MTFR1: variants seen among roughly 807,000 people sequenced by gnomAD.
MTFR1 encodes mitochondrial fission regulator 1, also known as chondrocyte protein with a poly-proline region.
MTFR1 carries 28 observed loss-of-function variants against 38.8 expected under a neutral mutation model. The ratio of observed to expected loss-of-function variants is 0.72; its 90% CI spans 0.53 to 0.99. The LOEUF (loss-of-function observed/expected upper bound fraction) is 0.99. Ranked by LOEUF, MTFR1 falls within the 50% of genes least tolerant of loss-of-function variation. MTFR1 has a pLI of 0.00. For synonymous variants in MTFR1, 145 were observed against 137.0 expected (o/e 1.06, Z -0.41); for missense variants, 358 against 395.5 (o/e 0.91, Z 0.81).
downstream of MTFR1, among the ~76,000 whole-genome samples, chr8:65,772,922 C>T (rs1464359117): frequency 6.6e-6 from 1 of 152,076 alleles, no homozygotes; most frequent in African/African-American, 2.4e-5. Context: ...GTGGGAGAAT[C>T]ACTTGAACCT....
At chr8:65,724,672 C>T (rs72666537) in intron 3 of MTFR1, 33 of 1,003,606 alleles carry the variant, frequency 3.3e-5, no homozygotes, top group Admixed American at 1.2e-4. Context: ...TTAGCTTGCC[C>T]TCAAGATTTA....
At chr8:65,769,394 C>G (rs1229277759) in intron 3 of MTFR1, among the ~76,000 whole-genome samples, 1 of 151,772 alleles carries the variant, frequency 6.6e-6, no homozygotes, top group Non-Finnish European at 1.5e-5. Flanking sequence ...ATCATTGCAA[C>G]AAAGCTGCCA....
intron 3 of MTFR1, chr8:65,726,989 G>A (rs1440825809): frequency 7.7e-7 from 1 of 1,304,536 alleles, no homozygotes; most frequent in East Asian, 2.3e-5. Flanking sequence ...ACGTTTCTGA[G>A]TTACTTAATG....
At chr8:65,662,018 TCC>T (rs1809430698) in intron 1 of MTFR1, among the ~76,000 whole-genome samples, 2 of 137,182 alleles carry the variant, frequency 1.5e-5, no homozygotes, top group African/African-American at 5.5e-5. Flanking sequence ...CCTCTCTCTC[TCC>T]CTCTCTCTCT....
chr8:65,691,759 C>T (rs945887462), intron 3 of MTFR1, among the ~76,000 whole-genome samples: 7 of 152,188 alleles, frequency 4.6e-5, no homozygotes, highest in African/African-American at 1.4e-4. Context: ...AAGTGATTCT[C>T]ATGCCTCAGC....
chr8:65,742,109 C>T (rs911915446), intron 3 of MTFR1, among the ~76,000 whole-genome samples: 4 of 152,134 alleles, frequency 2.6e-5, no homozygotes, highest in Non-Finnish European at 4.4e-5. Flanking sequence ...AAAAACCAGG[C>T]ACAGAAGAAC....
intron 2 of MTFR1, among the ~76,000 whole-genome samples, chr8:65,677,858 A>T (rs1804759263): frequency 6.6e-6 from 1 of 151,564 alleles, no homozygotes; most frequent in Admixed American, 6.6e-5. Flanking sequence ...TCTACTAAAA[A>T]TACAAAAATA....
chr8:65,724,478 T>A (rs1806526262), intron 3 of MTFR1: 6 of 609,952 alleles, frequency 9.8e-6, no homozygotes, highest in Non-Finnish European at 1.4e-5. Context: ...AATTCTCCTA[T>A]TTTTAGATGT....
intron 4 of MTFR1, among the ~76,000 whole-genome samples, chr8:65,695,822 C>A (rs1805425625): frequency 6.6e-6 from 1 of 152,128 alleles, no homozygotes; most frequent in Admixed American, 6.6e-5. Context: ...TACTCTATAA[C>A]ATTTAGATAG....
intron 3 of MTFR1, chr8:65,745,537 C>T: frequency 1.2e-6 from 1 of 853,032 alleles, no homozygotes; most frequent in South Asian, 1.5e-5. Flanking sequence ...GGAGATATTC[C>T]ATAGAGAAGT....
At chr8:65,772,980 C>A (rs1326975775), downstream of MTFR1, among the ~76,000 whole-genome samples, 1 of 152,018 alleles carries the variant, frequency 6.6e-6, no homozygotes, top group Non-Finnish European at 1.5e-5. Context: ...TGCACTCCAG[C>A]CTGGGCGACA....
intron 1 of MTFR1, among the ~76,000 whole-genome samples, chr8:65,645,820 C>G (rs1808951625): frequency 6.6e-6 from 1 of 151,980 alleles, no homozygotes; most frequent in South Asian, 2.1e-4. Context: ...GGAGTCATCG[C>G]ACCCGGCTAT....
intron 3 of MTFR1, among the ~76,000 whole-genome samples, chr8:65,692,280 C>G (rs1336745591): frequency 6.6e-6 from 1 of 152,166 alleles, no homozygotes; most frequent in Non-Finnish European, 1.5e-5. Flanking sequence ...ATAACAAAAT[C>G]TAAATTTAAC....
chr8:65,769,767 T>C (rs1468339236), intron 3 of MTFR1, among the ~76,000 whole-genome samples: 2 of 152,074 alleles, frequency 1.3e-5, no homozygotes, highest in African/African-American at 2.4e-5. Flanking sequence ...ATGGTAGTGA[T>C]TGCCCGTAAT....
intron 2 of MTFR1, chr8:65,682,009 A>G (rs903320462): frequency 6.4e-6 from 1 of 155,588 alleles, no homozygotes; most frequent in Non-Finnish European, 1.4e-5. Flanking sequence ...AACTAAAAAT[A>G]TAGCAGAAGA....
chr8:65,678,808 C>T (rs903873392), intron 2 of MTFR1, among the ~76,000 whole-genome samples: 1 of 151,938 alleles, frequency 6.6e-6, no homozygotes, highest in Non-Finnish European at 1.5e-5. Context: ...TTGCTGTAAC[C>T]CAGGAGATGG....
chr8:65,673,670 G>A (rs973180147), intron 2 of MTFR1, among the ~76,000 whole-genome samples: 20 of 151,840 alleles, frequency 1.3e-4, no homozygotes, highest in African/African-American at 3.9e-4. Flanking sequence ...TTGGGAGGCC[G>A]AGGCGGGTGG....
At chr8:65,730,245 A>G (rs900369523) in intron 3 of MTFR1, among the ~76,000 whole-genome samples, 6 of 130,882 alleles carry the variant, frequency 4.6e-5, no homozygotes, top group Admixed American at 8.9e-5. Context: ...TAATGGCGCA[A>G]TCACGGCTCA....
intron 3 of MTFR1, among the ~76,000 whole-genome samples, chr8:65,758,215 C>A (rs918093382): frequency 6.6e-6 from 1 of 152,220 alleles, no homozygotes; most frequent in African/African-American, 2.4e-5. Context: ...CGTATTCACT[C>A]TCAGCCCCAA....
Sources: allele counts gnomAD v4.1 joint callset (sites outside exome capture counted in the v4.1 genomes callset), GRCh38; gene constraint gnomAD v4.1.1; transcripts MANE v1.5; gene names NCBI Gene and HGNC (gene_info 2026-07-23, HGNC 2026-07-21).